The following ENOX1 variants were observed in gnomAD, a reference collection of about 807,000 sequenced individuals.
ENOX1 encodes the protein candidate growth-related and time keeping constitutive hydroquinone (NADH) oxidase.
A neutral mutation model predicts 82.5 loss-of-function variants in ENOX1; 42 were observed. The observed-to-expected ratio is 0.51, with a 90% CI of 0.40 to 0.66. The LOEUF (loss-of-function observed/expected upper bound fraction) is 0.66. Among genes scored for constraint, ENOX1 ranks in the 30% least tolerant of loss-of-function variants. ENOX1 has a pLI of 0.00. For missense variants in ENOX1, 608 were observed against 811.6 expected (o/e 0.75, Z 3.05); for synonymous variants, 271 against 282.2 (o/e 0.96, Z 0.40).
chr13:43,510,438 A>G (rs2077325127), intron 2 of ENOX1, among the ~76,000 whole-genome samples: 1 of 152,170 alleles, frequency 6.6e-6, no homozygotes, highest in Non-Finnish European at 1.5e-5. Context: ...TAAAATTTTT[A>G]AATGAATAAA....
At chr13:43,230,832 G>A (rs2042244884) in intron 15 of ENOX1, among the ~76,000 whole-genome samples, 2 of 152,140 alleles carry the variant, frequency 1.3e-5, no homozygotes, top group Non-Finnish European at 2.9e-5. Flanking sequence ...AATTATATTG[G>A]TTACCCGATG....
Position 43,236,669 on chromosome 13 carries a change from C to G in ENOX1, c.1681G>C (p.Gly561Arg), listed in dbSNP as rs772510240. The change falls in exon 15 of 17, where the codon GGC (glycine) becomes CGC (arginine). Residue 561 changes from glycine to arginine, a missense_variant. Gly to Arg is a moderately radical substitution (Grantham distance 125, BLOSUM62 -2). Coordinates refer to ENST00000690772, the MANE Select transcript of ENOX1 (RefSeq NM_001347969.2). Reference sequence around the variant, plus strand: ...AGAGCTTCTTTCTCTGATTTTAAGCCTTGGCTTCTTTTCTCAATATTGTTC... The same window carrying G: ...AGAGCTTCTTTCTCTGATTTTAAGCGTTGGCTTCTTTTCTCAATATTGTTC... ...RENNIEKRSQGLKSEKEALLI... is the reference protein window; with the variant it reads ...RENNIEKRSQRLKSEKEALLI... The G allele has an allele frequency of 5.0e-6, 8 of 1,586,406 alleles. No homozygotes were observed. Among genetic ancestry groups the G allele is most frequent in the Non-Finnish European group, 6.8e-6 (8 of 1,172,872 alleles).
At chr13:43,499,537 C>T (rs1303239995) in intron 2 of ENOX1, among the ~76,000 whole-genome samples, 1 of 152,050 alleles carries the variant, frequency 6.6e-6, no homozygotes, top group Non-Finnish European at 1.5e-5. Context: ...CACCCACAGC[C>T]CTCATCAACA....
intron 2 of ENOX1, among the ~76,000 whole-genome samples, chr13:43,651,834 G>T (rs112017779): frequency 1.3e-5 from 2 of 151,842 alleles, no homozygotes; most frequent in African/African-American, 4.8e-5. Flanking sequence ...AATTAGCCGG[G>T]GGTAGTGGCA....
chr13:43,242,800 T>C (rs114472470), intron 14 of ENOX1, among the ~76,000 whole-genome samples: 1,722 of 152,310 alleles, frequency 0.011, 33 homozygotes, highest in African/African-American at 0.039. Context: ...CTCCTTTCTT[T>C]TGCTTAATGA....
chr13:43,593,647 C>A, intron 2 of ENOX1, among the ~76,000 whole-genome samples: 1 of 138,836 alleles, frequency 7.2e-6, no homozygotes, highest in Non-Finnish European at 1.6e-5. Context: ...TCCCCCACCC[C>A]CACCCTGCCA....
chr13:43,373,607 A>AAC (rs754099338), intron 5 of ENOX1, among the ~76,000 whole-genome samples: 4 of 152,114 alleles, frequency 2.6e-5, no homozygotes, highest in Non-Finnish European at 5.9e-5. Context: ...CGTGTGCATA[A>AAC]ACACACACAC....
At chr13:43,514,944 T>C (rs2153678857) in intron 2 of ENOX1, among the ~76,000 whole-genome samples, 1 of 152,222 alleles carries the variant, frequency 6.6e-6, no homozygotes, top group South Asian at 2.1e-4. Flanking sequence ...GCTTTCTATA[T>C]GCCAGATTGT....
At chr13:43,607,005 C>A (rs765886490) in intron 2 of ENOX1, among the ~76,000 whole-genome samples, 34 of 152,084 alleles carry the variant, frequency 2.2e-4, no homozygotes, top group Non-Finnish European at 3.5e-4. Context: ...GAGACCCTGT[C>A]TCAAAAAATA....
chr13:43,693,205 A>G (rs1214774851), intron 1 of ENOX1, among the ~76,000 whole-genome samples: 1 of 151,886 alleles, frequency 6.6e-6, no homozygotes, highest in East Asian at 1.9e-4. Flanking sequence ...CTATACATAG[A>G]TTTTTGAATT....
At chr13:43,302,613 T>C (rs1257651382) in intron 11 of ENOX1, among the ~76,000 whole-genome samples, 1 of 152,174 alleles carries the variant, frequency 6.6e-6, no homozygotes, top group African/African-American at 2.4e-5. Context: ...AATCCAAAGG[T>C]TGAACGGCAC....
intron 1 of ENOX1, among the ~76,000 whole-genome samples, chr13:43,782,321 A>G (rs1408037943): frequency 1.3e-5 from 2 of 152,230 alleles, no homozygotes; most frequent in Non-Finnish European, 2.9e-5. Flanking sequence ...AAGAAACATA[A>G]CCTTTAAATT....
At chr13:43,263,462 C>T (rs1462592692) in intron 14 of ENOX1, among the ~76,000 whole-genome samples, 1 of 152,208 alleles carries the variant, frequency 6.6e-6, no homozygotes, top group African/African-American at 2.4e-5. Flanking sequence ...TGAAAACTTT[C>T]CTGTAGAAGG....
intron 2 of ENOX1, chr13:43,546,504 T>A (rs1419157759): frequency 6.6e-6 from 1 of 152,188 alleles, no homozygotes; most frequent in Non-Finnish European, 1.5e-5. Context: ...AGTTCCTATG[T>A]CACTCTAACT....
intron 2 of ENOX1, among the ~76,000 whole-genome samples, chr13:43,548,958 A>G (rs922993846): frequency 1.3e-5 from 2 of 152,186 alleles, no homozygotes; most frequent in African/African-American, 4.8e-5. Flanking sequence ...AACAACCAAA[A>G]AAAACCCTCT....
intron 11 of ENOX1, among the ~76,000 whole-genome samples, chr13:43,313,724 G>C (rs551024311): frequency 6.6e-6 from 1 of 152,102 alleles, no homozygotes; most frequent in African/African-American, 2.4e-5. Flanking sequence ...TATCCATGCT[G>C]GTTTGTAACT....
chr13:43,413,082 C>G, intron 3 of ENOX1, 94 bp from the exon 4 acceptor site: 1 of 1,260,412 alleles, frequency 7.9e-7, no homozygotes, highest in Non-Finnish European at 1.0e-6. Flanking sequence ...AAATCAAAAA[C>G]AAAGACCGAT....
intron 5 of ENOX1, among the ~76,000 whole-genome samples, chr13:43,363,903 C>T (rs2050682552): frequency 6.6e-6 from 1 of 152,072 alleles, no homozygotes; most frequent in Non-Finnish European, 1.5e-5. Flanking sequence ...AGTTGCTTTG[C>T]TTTTTTCTGA....
intron 12 of ENOX1, among the ~76,000 whole-genome samples, chr13:43,278,082 T>A (rs1434903768): frequency 6.6e-6 from 1 of 152,226 alleles, no homozygotes; most frequent in Non-Finnish European, 1.5e-5. Flanking sequence ...GCACCAGCAA[T>A]TCTAAGCAAA....
Sources: gnomAD v4.1 joint callset for allele counts (sites outside exome capture counted in the v4.1 genomes callset) on GRCh38, gnomAD v4.1.1 for gene constraint, MANE v1.5 for transcripts, NCBI Gene and HGNC (gene_info 2026-07-23, HGNC 2026-07-21) for gene names.